Variants in HEMK2 observed in about 807,000 individuals in gnomAD.
HEMK2 encodes the protein HemK methyltransferase 2, ETF1 glutamine and histone H4 lysine.
At chr21:28,607,354 T>C in the HEMK2 span, among the ~76,000 whole-genome samples, 4 of 152,086 alleles carry the variant, frequency 2.6e-5, no homozygotes, top group East Asian at 5.8e-4. Context: ...GAGGTTGCAG[T>C]GAGCCAAGAT....
chr21:28,852,227 G>A, the HEMK2 span, among the ~76,000 whole-genome samples: 1 of 152,206 alleles, frequency 6.6e-6, no homozygotes, highest in East Asian at 1.9e-4. Context: ...ACTTCCATTT[G>A]ACCTTTTCCA....
chr21:28,863,452 A>T, the HEMK2 span, among the ~76,000 whole-genome samples: 11 of 84,242 alleles, frequency 1.3e-4, no homozygotes, highest in Middle Eastern at 5.5e-3. Context: ...ATATATATAT[A>T]TATATATATA....
chr21:28,826,182 T>A, the HEMK2 span, among the ~76,000 whole-genome samples: 6 of 152,214 alleles, frequency 3.9e-5, no homozygotes, highest in Non-Finnish European at 5.9e-5. Flanking sequence ...TAGATGGAAG[T>A]CTCTCTCACT....
chr21:28,876,957 A>G, the HEMK2 span, among the ~76,000 whole-genome samples: 1 of 148,840 alleles, frequency 6.7e-6, no homozygotes, highest in Non-Finnish European at 1.5e-5. Flanking sequence ...TAAATAAATA[A>G]AACTAAGAAG....
At chr21:28,603,549 A>ATG in the HEMK2 span, among the ~76,000 whole-genome samples, 13,906 of 135,600 alleles carry the variant, frequency 0.1, 737 homozygotes, top group Non-Finnish European at 0.12. Flanking sequence ...GAGGATATAT[A>ATG]TGTGTGTGTG....
chr21:28,763,807 A>C, the HEMK2 span, among the ~76,000 whole-genome samples: 2 of 152,060 alleles, frequency 1.3e-5, no homozygotes, highest in Admixed American at 1.3e-4. Context: ...GTGCTTCCAA[A>C]CCAACTCGTT....
the HEMK2 span, among the ~76,000 whole-genome samples, chr21:28,772,410 T>C: frequency 6.6e-6 from 1 of 152,180 alleles, no homozygotes; most frequent in Non-Finnish European, 1.5e-5. Flanking sequence ...GTCTCTGGTT[T>C]TGGCAGCTCA....
chr21:28,847,027 G>T, the HEMK2 span, among the ~76,000 whole-genome samples: 3 of 151,974 alleles, frequency 2.0e-5, no homozygotes, highest in African/African-American at 4.8e-5. Context: ...TTCTTCATCA[G>T]CTCCACCACT....
At chr21:28,713,236 T>A in the HEMK2 span, among the ~76,000 whole-genome samples, 2 of 152,156 alleles carry the variant, frequency 1.3e-5, no homozygotes, top group South Asian at 4.1e-4. Context: ...TCCACTTTTC[T>A]CCATTGCTCA....
the HEMK2 span, among the ~76,000 whole-genome samples, chr21:28,609,787 T>C: frequency 6.6e-6 from 1 of 151,652 alleles, no homozygotes; most frequent in Non-Finnish European, 1.5e-5. Context: ...GTCTCAGCAA[T>C]AGAATAGAAC....
the HEMK2 span, among the ~76,000 whole-genome samples, chr21:28,672,980 AAGAG>A: frequency 5.6e-5 from 8 of 143,638 alleles, no homozygotes; most frequent in Admixed American, 5.1e-4. Flanking sequence ...AAAATAAAAA[AAGAG>A]AGAAAGAAAA....
chr21:28,611,088 C>A, the HEMK2 span, among the ~76,000 whole-genome samples: 2 of 152,292 alleles, frequency 1.3e-5, no homozygotes, highest in Admixed American at 1.3e-4. Context: ...CCAACAACTG[C>A]AGAATTTACA....
the HEMK2 span, among the ~76,000 whole-genome samples, chr21:28,729,531 G>A: frequency 3.3e-5 from 5 of 151,908 alleles, no homozygotes; most frequent in East Asian, 3.9e-4. Context: ...AAATGTCTAC[G>A]GCAGGGGTGT....
At chr21:28,809,077 T>G in the HEMK2 span, among the ~76,000 whole-genome samples, 1 of 152,190 alleles carries the variant, frequency 6.6e-6, no homozygotes, top group Non-Finnish European at 1.5e-5. Context: ...AATTCACAAT[T>G]GCTCTATAGA....
At chr21:28,695,809 A>G in the HEMK2 span, among the ~76,000 whole-genome samples, 1 of 147,432 alleles carries the variant, frequency 6.8e-6, no homozygotes, top group Non-Finnish European at 1.5e-5. Flanking sequence ...TTTCAGCATT[A>G]ACTTAAAAGT....
the HEMK2 span, among the ~76,000 whole-genome samples, chr21:28,624,098 A>T: frequency 6.6e-6 from 1 of 152,230 alleles, no homozygotes; most frequent in Admixed American, 6.5e-5. Flanking sequence ...TCTTATCAGC[A>T]AAACAATTTT....
At chr21:28,596,027 G>A in the HEMK2 span, among the ~76,000 whole-genome samples, 3 of 148,840 alleles carry the variant, frequency 2.0e-5, no homozygotes, top group African/African-American at 7.5e-5. Flanking sequence ...CTCATGATCT[G>A]CCCGCCTTGG....
the HEMK2 span, among the ~76,000 whole-genome samples, chr21:28,827,041 TGCCA>T: frequency 1.3e-5 from 2 of 152,020 alleles, no homozygotes; most frequent in African/African-American, 4.8e-5. Flanking sequence ...TGGGAGAAAA[TGCCA>T]GAAGAAACAG....
chr21:28,596,691 A>C, the HEMK2 span, among the ~76,000 whole-genome samples: 1 of 152,238 alleles, frequency 6.6e-6, no homozygotes, highest in Admixed American at 6.5e-5. Flanking sequence ...TGTTTTGCTT[A>C]ATCTAGTAAC....
Sources: gnomAD v4.1 joint callset for allele counts (sites outside exome capture counted in the v4.1 genomes callset) on GRCh38, gnomAD v4.1.1 for gene constraint, MANE v1.5 for transcripts, NCBI Gene and HGNC (gene_info 2026-07-23, HGNC 2026-07-21) for gene names.